Variants in ENTREP2 observed in about 807,000 individuals in gnomAD.
ENTREP2 encodes protein ENTREP2.
chr15:29,290,459 T>C, the ENTREP2 span, among the ~76,000 whole-genome samples: 1 of 152,108 alleles, frequency 6.6e-6, no homozygotes, highest in Non-Finnish European at 1.5e-5. Context: ...TTTGAACGAG[T>C]TTTACTTTTT....
chr15:29,341,439 G>A, the ENTREP2 span, among the ~76,000 whole-genome samples: 1,058 of 152,336 alleles, frequency 6.9e-3, 9 homozygotes, highest in Middle Eastern at 0.024. Context: ...AGGGTGCTAC[G>A]GGCACATTGG....
At chr15:29,416,718 G>A in the ENTREP2 span, among the ~76,000 whole-genome samples, 1 of 152,202 alleles carries the variant, frequency 6.6e-6, no homozygotes, top group East Asian at 1.9e-4. Flanking sequence ...GCAACCTACA[G>A]AATGGGAGAA....
the ENTREP2 span, among the ~76,000 whole-genome samples, chr15:29,464,257 T>C: frequency 7.9e-6 from 1 of 126,954 alleles, no homozygotes; most frequent in African/African-American, 3.6e-5. Context: ...ATGCTATTTT[T>C]GCACAGAAAA....
At chr15:29,214,507 G>A in the ENTREP2 span, among the ~76,000 whole-genome samples, 1 of 152,164 alleles carries the variant, frequency 6.6e-6, no homozygotes, top group African/African-American at 2.4e-5. Context: ...TTGGACACAG[G>A]AAGGGGAATA....
chr15:29,636,554 A>G, the ENTREP2 span, among the ~76,000 whole-genome samples: 1 of 152,236 alleles, frequency 6.6e-6, no homozygotes, highest in Non-Finnish European at 1.5e-5. Flanking sequence ...TCTGCTACAC[A>G]GCAATATTAT....
the ENTREP2 span, among the ~76,000 whole-genome samples, chr15:29,363,898 A>G: frequency 6.6e-6 from 1 of 152,146 alleles, no homozygotes; most frequent in African/African-American, 2.4e-5. Flanking sequence ...ACTCCACAGG[A>G]CTAGAAATAT....
At chr15:29,320,915 T>C in the ENTREP2 span, among the ~76,000 whole-genome samples, 2 of 152,262 alleles carry the variant, frequency 1.3e-5, no homozygotes, top group Non-Finnish European at 2.9e-5. Flanking sequence ...GAAAGTGTAA[T>C]ATATGTATAA....
chr15:29,288,529 T>TA, the ENTREP2 span, among the ~76,000 whole-genome samples: 1 of 152,196 alleles, frequency 6.6e-6, no homozygotes, highest in East Asian at 1.9e-4. Context: ...AACTCTATAT[T>TA]AAGTGTAGTA....
At chr15:29,386,309 C>T in the ENTREP2 span, among the ~76,000 whole-genome samples, 3 of 152,150 alleles carry the variant, frequency 2.0e-5, no homozygotes, top group African/African-American at 7.2e-5. Context: ...AAACACTCAA[C>T]CCTAGACGAT....
the ENTREP2 span, among the ~76,000 whole-genome samples, chr15:29,435,149 T>G: frequency 1.3e-5 from 2 of 152,164 alleles, no homozygotes; most frequent in African/African-American, 4.8e-5. Context: ...CGTGTTTGCT[T>G]CTTTCAGTGA....
At chr15:29,223,167 C>T in the ENTREP2 span, among the ~76,000 whole-genome samples, 517 of 152,298 alleles carry the variant, frequency 3.4e-3, 1 homozygote, top group African/African-American at 0.012. Flanking sequence ...TTCTTTTATT[C>T]TTGGGGGAGA....
At chr15:29,407,393 A>T in the ENTREP2 span, among the ~76,000 whole-genome samples, 1 of 152,170 alleles carries the variant, frequency 6.6e-6, no homozygotes, top group Admixed American at 6.5e-5. Context: ...ATCTATCAAA[A>T]ATTCATCCTA....
the ENTREP2 span, among the ~76,000 whole-genome samples, chr15:29,264,715 A>AT: frequency 1.3e-5 from 2 of 152,204 alleles, no homozygotes; most frequent in Non-Finnish European, 2.9e-5. Flanking sequence ...ACATAACTAA[A>AT]TAGTTCAGGG....
At chr15:29,156,145 TTTG>T in the ENTREP2 span, among the ~76,000 whole-genome samples, 32 of 152,080 alleles carry the variant, frequency 2.1e-4, no homozygotes, top group Admixed American at 3.3e-4. Context: ...CAACCTGTTT[TTTG>T]TTGTTGTTGT....
At chr15:29,473,415 G>A in the ENTREP2 span, among the ~76,000 whole-genome samples, 1 of 152,074 alleles carries the variant, frequency 6.6e-6, no homozygotes, top group African/African-American at 2.4e-5. Context: ...CCATGTAGAG[G>A]ATTCCCTGCG....
At chr15:29,581,448 A>C in the ENTREP2 span, among the ~76,000 whole-genome samples, 2 of 152,190 alleles carry the variant, frequency 1.3e-5, no homozygotes, top group African/African-American at 4.8e-5. Flanking sequence ...CTTAAATTCC[A>C]CTGGGTTAAA....
chr15:29,170,966 C>G, the ENTREP2 span, among the ~76,000 whole-genome samples: 24 of 152,322 alleles, frequency 1.6e-4, no homozygotes, highest in Non-Finnish European at 3.1e-4. Context: ...ATGGGGCCAG[C>G]ATCTGGTGGG....
chr15:29,351,979 G>A, the ENTREP2 span, among the ~76,000 whole-genome samples: 2 of 151,826 alleles, frequency 1.3e-5, no homozygotes, highest in African/African-American at 4.8e-5. Flanking sequence ...ATGTTGCCCA[G>A]GCAACAATGT....
chr15:29,442,861 C>T, the ENTREP2 span, among the ~76,000 whole-genome samples: 1 of 152,196 alleles, frequency 6.6e-6, no homozygotes, highest in African/African-American at 2.4e-5. Flanking sequence ...CAATTAAAAC[C>T]ACACACTTGA....
Sources: allele counts gnomAD v4.1 joint callset (sites outside exome capture counted in the v4.1 genomes callset), GRCh38; gene constraint gnomAD v4.1.1; transcripts MANE v1.5; gene names NCBI Gene and HGNC (gene_info 2026-07-23, HGNC 2026-07-21).